The following ITGAE variants were observed in gnomAD, a reference collection of about 807,000 sequenced individuals.
ITGAE encodes the protein integrin alpha-E.
Under a neutral mutation model 136.5 loss-of-function variants are expected in ITGAE, and 99 were observed. The ratio of observed to expected loss-of-function variants is 0.73; its 90% CI spans 0.62 to 0.86. ITGAE has a LOEUF of 0.86. ITGAE is among the 40% of genes least tolerant of loss of function. ITGAE has a pLI of 0.00. For missense variants in ITGAE, 1,447 were observed against 1,515.3 expected (o/e 0.95, Z 0.75); for synonymous variants, 613 against 591.8 (o/e 1.04, Z -0.52).
Position 3,753,888 on chromosome 17 carries a change from G to A in ITGAE, c.1422C>T (p.Leu474=), listed in dbSNP as rs2051935025. The change falls in exon 13 of 31, where the codon CTC becomes CTT. Residue 474 remains leucine, a synonymous_variant. Coordinates refer to ENST00000263087, the MANE Select transcript of ITGAE (RefSeq NM_002208.5). Reference sequence around the variant, plus strand: ...ACCGTGGAGCCCCCGCGATGTAGGAGAGGCTGCAGGTCTTGTGCAGCACGG... The same window carrying A: ...ACCGTGGAGCCCCCGCGATGTAGGAAAGGCTGCAGGTCTTGTGCAGCACGG... ...AVAVLHKTCS[L]SYIAGAPRYK... is the part of the protein sequence containing the mutation. 5.0e-6 allele frequency: 8 copies of A among 1,614,136 alleles called. No homozygotes were observed. Among genetic ancestry groups the A allele is most frequent in the Non-Finnish European group, 6.8e-6 (8 of 1,180,016 alleles).
chr17:3,745,989 C>G, intron 17 of ITGAE, 62 bp from the exon 18 acceptor site: 1 of 1,493,352 alleles, frequency 6.7e-7, no homozygotes, highest in Non-Finnish European at 9.1e-7. Context: ...GACAGAAGGC[C>G]CCCAGCCTGC....
chr17:3,722,885 A>G (rs2051086234), intron 28 of ITGAE, among the ~76,000 whole-genome samples: 1 of 152,208 alleles, frequency 6.6e-6, no homozygotes, highest in South Asian at 2.1e-4. Context: ...ATTATTTGTA[A>G]AGAATGTGGG....
intron 2 of ITGAE, among the ~76,000 whole-genome samples, chr17:3,772,599 G>T (rs1256053109): frequency 6.6e-6 from 1 of 152,078 alleles, no homozygotes; most frequent in African/African-American, 2.4e-5. Flanking sequence ...AAGCAGCTGG[G>T]ACTACAGGTG....
At chr17:3,724,864 GGA>G (rs1365779043) in intron 26 of ITGAE, 5 of 1,613,830 alleles carry the variant, frequency 3.1e-6, no homozygotes, top group Admixed American at 3.3e-5. Context: ...GAGGCCGTCC[GGA>G]GAGAGCATCA....
chr17:3,742,480 A>C (rs1413579092), intron 19 of ITGAE, among the ~76,000 whole-genome samples: 2 of 117,808 alleles, frequency 1.7e-5, no homozygotes, highest in Non-Finnish European at 3.3e-5. Flanking sequence ...TTTGAGACGG[A>C]GTCTTTCTCT....
At chr17:3,780,812 C>G (rs1036409003) in intron 1 of ITGAE, among the ~76,000 whole-genome samples, 1 of 152,048 alleles carries the variant, frequency 6.6e-6, no homozygotes, top group Non-Finnish European at 1.5e-5. Flanking sequence ...TCCATCCTCC[C>G]GCCTCAGCCT....
At chr17:3,743,712 T>C (rs1265718929) in intron 18 of ITGAE, 95 bp from the exon 19 acceptor site, 2 of 1,365,894 alleles carry the variant, frequency 1.5e-6, no homozygotes, top group Non-Finnish European at 2.0e-6. Context: ...TTTCTTTTTT[T>C]TTTTTTTTGA....
In ITGAE at chr17:3,714,813, C is replaced by A; in HGVS notation, c.*34G>T. On this transcript the variant is annotated 3_prime_UTR_variant, in exon 31 of 31. Coordinates refer to ENST00000263087, the MANE Select transcript of ITGAE (RefSeq NM_002208.5). ...GATGCTGGGTCTCCAAGTCCCAGGA[C>A]TGGCTGATAGCCTCTCCCAGTGGAT... The A allele has an allele frequency of 7.9e-7, 1 of 1,270,166 alleles. No individual in the cohort carries two copies. Among genetic ancestry groups the A allele is most frequent in the Non-Finnish European group, 1.1e-6 (1 of 871,126 alleles). The allele number at this position is 1,270,166 out of a possible 1,614,324, so 78.7% of individuals were successfully genotyped here.
chr17:3,760,937 C>T, intron 6 of ITGAE, 76 bp downstream of exon 6: 2 of 1,529,524 alleles, frequency 1.3e-6, no homozygotes, highest in Non-Finnish European at 1.7e-6. Context: ...ACTGAGGCAC[C>T]CCTCACCCTT....
Position 3,720,357 on chromosome 17 carries a change from A to G in ITGAE, c.3283T>C (p.Phe1095Leu). ...AGTCCCTCATATAGAGATTTGTTGAAAGATATTTCACCAAGGATCTGCAGT... is the reference window on the plus strand; with the variant it reads ...AGTCCCTCATATAGAGATTTGTTGAGAGATATTTCACCAAGGATCTGCAGT... ...TELQILGEIS[F>L]NKSLYEGLNA... is the part of the protein sequence containing the mutation. Residue 1095 changes from phenylalanine to leucine, a missense_variant, in exon 29 of 31, where the codon TTC becomes CTC. Phe to Leu is a conservative substitution (Grantham distance 22, BLOSUM62 0). This residue lies in a region of ITGAE where 1,031 missense variants were observed against 1,011.4 expected (regional missense o/e 1.02). Coordinates refer to ENST00000263087, the MANE Select transcript of ITGAE (RefSeq NM_002208.5). The G allele has an allele frequency of 6.3e-7, 1 of 1,589,598 alleles. No homozygotes were observed. Among genetic ancestry groups the G allele is most frequent in the Non-Finnish European group, 8.6e-7 (1 of 1,157,656 alleles).
rs545006196 is a variant in ITGAE at position 3,787,849 on chromosome 17, G to A, written c.35-10189C>T. On this transcript the variant is annotated intron_variant, in intron 1 of 30. Coordinates refer to ENST00000263087, the MANE Select transcript of ITGAE (RefSeq NM_002208.5). ...ATTACAGATGCCCGCCACCACGCCC[G>A]GGTAATTTTTGTATTTTTAGTAGAG... Among the ~76,000 whole-genome samples, 88 of 152,010 alleles carry A rather than the reference G, an allele frequency of 5.8e-4. No homozygotes were observed. In the Middle Eastern group the frequency reaches 0.024, roughly 41 times the overall value.
intron 1 of ITGAE, 41 bp downstream of exon 1, chr17:3,801,070 G>A (rs768700833): frequency 6.2e-7 from 1 of 1,610,474 alleles, no homozygotes; most frequent in Non-Finnish European, 8.5e-7. Flanking sequence ...CTGGAGCTGA[G>A]GGCACAGCAG....
chr17:3,744,473 G>A (rs2051666530), intron 18 of ITGAE, among the ~76,000 whole-genome samples: 1 of 142,964 alleles, frequency 7.0e-6, no homozygotes, highest in Admixed American at 7.2e-5. Flanking sequence ...TTGAGATGGA[G>A]TCTCGCTCTG....
chr17:3,745,145 G>T (rs560191987), intron 18 of ITGAE, among the ~76,000 whole-genome samples: 1 of 152,156 alleles, frequency 6.6e-6, no homozygotes, highest in South Asian at 2.1e-4. Flanking sequence ...CTAGATGGTC[G>T]TTTCTATCTT....
intron 1 of ITGAE, among the ~76,000 whole-genome samples, 186 bp downstream of exon 1, chr17:3,800,925 C>T (rs1044039825): frequency 1.1e-4 from 17 of 152,224 alleles, no homozygotes; most frequent in African/African-American, 3.4e-4. Flanking sequence ...CCTCAGCCGC[C>T]CTTCCCAACA....
intron 1 of ITGAE, among the ~76,000 whole-genome samples, chr17:3,792,802 T>G (rs1320946853): frequency 6.6e-6 from 1 of 152,210 alleles, no homozygotes; most frequent in Non-Finnish European, 1.5e-5. Context: ...GTTAATGCCA[T>G]GCGGTGTCCA....
rs992398014 is a variant in ITGAE at position 3,757,963 on chromosome 17, C to A, written c.867-104G>T. On this transcript the variant is annotated intron_variant, in intron 8 of 30. Coordinates refer to ENST00000263087, the MANE Select transcript of ITGAE (RefSeq NM_002208.5). ...CCTGTATTAGAATTGGGAGGGTTCA[C>A]AATCCTCCCGAAAGACCCAGAGAAG... 5 of 1,346,560 alleles carry A rather than the reference C, an allele frequency of 3.7e-6. No homozygotes were observed. In the African/African-American group the frequency reaches 4.3e-5, roughly 12 times the overall value. 83.4% of individuals were successfully genotyped at this position (1,346,560 alleles called of 1,614,324 possible). A position where few individuals can be genotyped will look rare whatever the true frequency, so the allele number is the denominator to read the frequency against.
chr17:3,792,813 C>G lies in ITGAE; in HGVS notation c.34+8298G>C, dbSNP rs143267978. Among the ~76,000 whole-genome samples, 296 of 152,264 alleles carry G rather than the reference C, an allele frequency of 1.9e-3. 1 individual carries two copies. The highest frequency in any genetic ancestry group is 6.5e-3 in the African/African-American group (272 of 41,570). On this transcript the variant is annotated intron_variant, in intron 1 of 30. Coordinates refer to ENST00000263087, the MANE Select transcript of ITGAE (RefSeq NM_002208.5). ...ATCAGTTAATGCCATGCGGTGTCCA[C>G]AAAATTCAAAAAACAAAACACTTCC...
chr17:3,755,513 C>T (rs915200446), intron 11 of ITGAE, among the ~76,000 whole-genome samples: 1 of 152,220 alleles, frequency 6.6e-6, no homozygotes, highest in African/African-American at 2.4e-5. Flanking sequence ...CAGGCCGAGT[C>T]CTGTTGCCTG....
Sources: allele counts gnomAD v4.1 joint callset (sites outside exome capture counted in the v4.1 genomes callset), GRCh38; gene constraint gnomAD v4.1.1; regional missense constraint gnomAD v4.1.1; transcripts MANE v1.5; gene names NCBI Gene and HGNC (gene_info 2026-07-23, HGNC 2026-07-21).